The following TUBGCP4 variants were observed in gnomAD, a reference collection of about 807,000 sequenced individuals.
TUBGCP4 encodes gamma-tubulin complex component 4.
Under a neutral mutation model 91.6 loss-of-function variants are expected in TUBGCP4, and 54 were observed. The observed-to-expected ratio is 0.59, with a 90% CI of 0.47 to 0.74. TUBGCP4 has a LOEUF of 0.74. Among genes scored for constraint, TUBGCP4 ranks in the 30% least tolerant of loss-of-function variants. TUBGCP4 has a pLI of 0.00. For synonymous variants in TUBGCP4, 297 were observed against 302.8 expected, an observed-to-expected ratio of 0.98 and a Z score of 0.20; for missense variants, 593 against 800.9, an observed-to-expected ratio of 0.74 and a Z score of 3.13.
intron 1 of TUBGCP4, among the ~76,000 whole-genome samples, chr15:43,374,996 G>A (rs936816967): frequency 2.6e-5 from 4 of 152,286 alleles, no homozygotes; most frequent in South Asian, 2.1e-4. Flanking sequence ...GCCGCCTCCC[G>A]GGTTTAAGCA....
chr15:43,399,001 T>C (rs1201577553), intron 13 of TUBGCP4: 1 of 401,054 alleles, frequency 2.5e-6, no homozygotes, highest in Admixed American at 3.5e-5. Context: ...CCTTATAATA[T>C]CCAGTCTACA....
chr15:43,371,918 C>G (rs2044129733), intron 1 of TUBGCP4, among the ~76,000 whole-genome samples: 1 of 152,158 alleles, frequency 6.6e-6, no homozygotes, highest in African/African-American at 2.4e-5. Context: ...AGGTAAAGCA[C>G]TTGGTAGGGG....
intron 9 of TUBGCP4, among the ~76,000 whole-genome samples, chr15:43,389,636 C>G (rs780788101): frequency 2.0e-5 from 3 of 152,144 alleles, no homozygotes; most frequent in Non-Finnish European, 2.9e-5. Context: ...GATACTGATT[C>G]TTCCTGAGAT....
At chr15:43,400,303 A>T in intron 14 of TUBGCP4, 82 bp downstream of exon 14, 3 of 1,121,066 alleles carry the variant, frequency 2.7e-6, no homozygotes, top group Non-Finnish European at 3.8e-6. Flanking sequence ...TAGGGACTAC[A>T]AGTTTCTATT....
intron 9 of TUBGCP4, among the ~76,000 whole-genome samples, chr15:43,386,725 CAAAAAAAAAAAAAA>C (rs10718458): frequency 6.0e-5 from 4 of 67,012 alleles, no homozygotes; most frequent in Non-Finnish European, 8.7e-5. Flanking sequence ...ACTCTGTCTC[CAAAAAAAAAAAAAA>C]AAAAAAAAAA....
chr15:43,394,896 C>G, intron 9 of TUBGCP4: 1 of 569,896 alleles, frequency 1.8e-6, no homozygotes. Flanking sequence ...GTGAGCAACT[C>G]AACCTCTTTT....
chr15:43,396,952 AC>A (rs1290594754), intron 11 of TUBGCP4, among the ~76,000 whole-genome samples: 2 of 152,200 alleles, frequency 1.3e-5, no homozygotes, highest in African/African-American at 2.4e-5. Context: ...TCACCCAGCT[AC>A]CCCTAGAATC....
rs376923581 is a variant in TUBGCP4 at position 43,400,233 on chromosome 15, G to A, written c.1596+12G>A. 1.6e-5 allele frequency: 26 copies of A among 1,610,916 alleles called. No homozygotes were observed. In the South Asian group the frequency reaches 2.4e-4, roughly 15 times the overall value. On this transcript the variant is annotated intron_variant, in intron 14 of 17. Transcript: ENST00000564079. ...AGTACTATCTCCAGGTCTGTGCTAA[G>A]AGATGAGTAGAAGGAAGGGGTACGG...
At position 43,383,424 on chromosome 15, in the gene TUBGCP4, A is replaced by G; in HGVS notation, c.643A>G (p.Ser215Gly). 1 of 1,614,150 alleles carries G rather than the reference A, an allele frequency of 6.2e-7. No homozygotes were observed. The highest frequency in any genetic ancestry group is 8.5e-7 in the Non-Finnish European group (1 of 1,180,018). The change falls in exon 7 of 18, where the codon AGT becomes GGT. Residue 215 changes from serine (S) to glycine (G), a missense_variant. Transcript: ENST00000564079. ...ACAGGGGCCATCTTCTGGTAATGTC[A>G]GTGCCCAGCCAGAAGAGGACGAGGA... ...IKQGPSSGNV[S>G]AQPEEDEEDL...
chr15:43,377,493 T>C (rs930084519), intron 4 of TUBGCP4: 1 of 303,262 alleles, frequency 3.3e-6, no homozygotes, highest in Non-Finnish European at 6.1e-6. Context: ...TGTGGTGGCG[T>C]GCACCTGTAG....
Position 43,408,019 on chromosome 15 carries a change from C to T in TUBGCP4, c.*2805C>T, listed in dbSNP as rs1566911052. On this transcript the variant is annotated 3_prime_UTR_variant, in exon 18 of 18. Coordinates refer to ENST00000564079, the MANE Select transcript of TUBGCP4 (RefSeq NM_014444.5). ...TCATGAGGATCTCAGACCAGAGCTC[C>T]AGGAAGTTCTGCTGTTGGTCTGATA... The T allele has an allele frequency of 1.9e-6, 3 of 1,614,126 alleles. No homozygotes were observed. The highest frequency in any genetic ancestry group is 4.5e-5 in the East Asian group (2 of 44,880).
In TUBGCP4 at chr15:43,393,678, T is replaced by C. The variant is rs192388440; in HGVS notation, c.1015-1429T>C. ...GTTCTCATTGTTCAATTCCCACCTA[T>C]GAGTGAGAACATGCGGTGTTTGGTT... On this transcript the variant is annotated intron_variant, in intron 9 of 17. Transcript: ENST00000564079. Among the ~76,000 whole-genome samples, 131 of 152,164 alleles carry C rather than the reference T, an allele frequency of 8.6e-4. 1 individual carries two copies. The highest frequency in any genetic ancestry group is 3.1e-3 in the African/African-American group (127 of 41,510).
rs375638043 is a variant in TUBGCP4, at chr15:43,405,324, T to C, written c.*110T>C. The C allele has an allele frequency of 1.4e-5, 18 of 1,262,940 alleles. No individual in the cohort carries two copies. The highest frequency in any genetic ancestry group is 5.9e-5 in the African/African-American group (4 of 67,470). 78.2% of individuals were successfully genotyped at this position (1,262,940 alleles called of 1,614,324 possible). ...CAAATAAATATCTGCGGCTTAGTGATAGGACTCTACCTTTTCTCCTAGAAG... is the reference window on the plus strand; with the variant it reads ...CAAATAAATATCTGCGGCTTAGTGACAGGACTCTACCTTTTCTCCTAGAAG... On this transcript the variant is annotated 3_prime_UTR_variant, in exon 18 of 18. Coordinates refer to ENST00000564079, the MANE Select transcript of TUBGCP4 (RefSeq NM_014444.5).
At chr15:43,398,706 T>C (rs1013944643) in intron 13 of TUBGCP4, among the ~76,000 whole-genome samples, 1 of 152,190 alleles carries the variant, frequency 6.6e-6, no homozygotes, top group African/African-American at 2.4e-5. Context: ...CTCACTTTTG[T>C]AATATTTTTT....
chr15:43,392,959 A>G (rs1377067587), intron 9 of TUBGCP4, among the ~76,000 whole-genome samples: 2 of 152,078 alleles, frequency 1.3e-5, no homozygotes, highest in African/African-American at 4.8e-5. Context: ...CCAAGCAGCC[A>G]CTGATCTGAT....
chr15:43,406,808 T>C lies in TUBGCP4; in HGVS notation c.*1594T>C, dbSNP rs1224097189. 5.7e-6 allele frequency: 2 copies of C among 351,018 alleles called. No homozygotes were observed. Among genetic ancestry groups the C allele is most frequent in the Admixed American group, 3.7e-5 (1 of 27,370 alleles). 21.7% of individuals were successfully genotyped at this position (351,018 alleles called of 1,614,324 possible). ...ACGGAAGGTCATTCCATCAAGCTTATGGTCACTGTCCCTTCATGGCAGTTG... is the reference window on the plus strand; with the variant it reads ...ACGGAAGGTCATTCCATCAAGCTTACGGTCACTGTCCCTTCATGGCAGTTG... On this transcript the variant is annotated 3_prime_UTR_variant, in exon 18 of 18. Transcript: ENST00000564079.
Position 43,371,121 on chromosome 15 carries a change from G to A in TUBGCP4, c.-234G>A, listed in dbSNP as rs1370483852. On this transcript the variant is annotated 5_prime_UTR_variant, in exon 1 of 18. Transcript: ENST00000564079. ...GACTCAGTCTCCGCAGAGCCCGGGC[G>A]GGAGTAGCTGGTGGACCCCGTTGAG... 3 of 590,918 alleles carry A rather than the reference G, an allele frequency of 5.1e-6. No homozygotes were observed. The highest frequency in any genetic ancestry group is 3.7e-5 in the African/African-American group (2 of 53,546). 36.6% of individuals were successfully genotyped at this position (590,918 alleles called of 1,614,324 possible). A position where few individuals can be genotyped will look rare whatever the true frequency, so the allele number is the denominator to read the frequency against.
chr15:43,380,024 ATG>A (rs1486818345), intron 5 of TUBGCP4, 58 bp from the exon 6 acceptor site: 1 of 1,515,966 alleles, frequency 6.6e-7, no homozygotes, highest in African/African-American at 1.4e-5. Context: ...TGGAATAAGA[ATG>A]TGTCTTGCAT....
chr15:43,376,239 C>G lies in TUBGCP4; in HGVS notation c.207+13C>G. On this transcript the variant is annotated intron_variant, in intron 2 of 17. Transcript: ENST00000564079. The stretch of plus-strand genomic sequence containing the variant: ...TGTGCAACAGCAGGTGGGTCCTGTT[C>G]TCTGTGGGTGTACACCTCTAGAGGG... 6.2e-7 allele frequency: 1 copy of G among 1,612,964 alleles called. No individual in the cohort carries two copies. Among genetic ancestry groups the G allele is most frequent in the South Asian group, 1.1e-5 (1 of 90,782 alleles).
Sources: allele counts gnomAD v4.1 joint callset (sites outside exome capture counted in the v4.1 genomes callset), GRCh38; gene constraint gnomAD v4.1.1; transcripts MANE v1.5; gene names NCBI Gene and HGNC (gene_info 2026-07-23, HGNC 2026-07-21).